Variants in FAM3D observed in about 807,000 individuals in gnomAD.
FAM3D encodes FAM3 metabolism regulating signaling molecule D.
In FAM3D, 26 loss-of-function variants were observed where a neutral mutation model predicts 29.8. The observed-to-expected ratio is 0.87, with a 90% confidence interval of 0.64 to 1.21. The LOEUF is 1.21. FAM3D is among the 50% of genes most tolerant of loss of function. The pLI is 0.00. For synonymous variants in FAM3D, 115 were observed against 102.3 expected, an observed-to-expected ratio of 1.12 and a Z score of -0.75; for missense variants, 253 against 290.9, an observed-to-expected ratio of 0.87 and a Z score of 0.95.
intron 3 of FAM3D, among the ~76,000 whole-genome samples, chr3:58,650,502 A>G (rs546860500): frequency 6.6e-6 from 1 of 152,206 alleles, no homozygotes; most frequent in East Asian, 1.9e-4. Flanking sequence ...TTAGAGAGAA[A>G]GCTGCCCATG....
In FAM3D at chr3:58,634,069, G is replaced by C. The variant is rs1176387397; in HGVS notation, c.*210C>G. Reference sequence around the variant, plus strand: ...TTCTCTCCACAGACAGCTGGTTCCAGAAGGACCCTCTGAGGCTGGTCTTCC... The same window carrying C: ...TTCTCTCCACAGACAGCTGGTTCCACAAGGACCCTCTGAGGCTGGTCTTCC... On this transcript the variant is annotated 3_prime_UTR_variant, in exon 10 of 10. Coordinates refer to ENST00000358781, the MANE Select transcript of FAM3D (RefSeq NM_138805.3). The surrounding 1 kb of genome is among the most constrained non-coding windows in gnomAD (Gnocchi z 4.6). The C allele has an allele frequency of 1.9e-6, 1 of 520,890 alleles. No homozygotes were observed. The highest frequency in any genetic ancestry group is 3.4e-6 in the Non-Finnish European group (1 of 295,782). 32.3% of individuals were successfully genotyped at this position (520,890 alleles called of 1,614,324 possible).
chr3:58,656,209 G>A (rs555297754), intron 1 of FAM3D, among the ~76,000 whole-genome samples: 11 of 152,290 alleles, frequency 7.2e-5, no homozygotes, highest in African/African-American at 2.4e-4. Flanking sequence ...CACAACTCAC[G>A]TATTGCAGGT....
chr3:58,654,843 C>A (rs977647368), intron 2 of FAM3D, among the ~76,000 whole-genome samples: 1 of 152,192 alleles, frequency 6.6e-6, no homozygotes, highest in African/African-American at 2.4e-5. Flanking sequence ...GATCTAGGCA[C>A]CCAGAATTCC....
chr3:58,634,651 A>G lies in FAM3D; in HGVS notation c.586-283T>C, dbSNP rs1187808191. Among the ~76,000 whole-genome samples, 2 of 152,156 alleles carry G rather than the reference A, an allele frequency of 1.3e-5. No homozygotes were observed. The highest frequency in any genetic ancestry group is 2.9e-5 in the Non-Finnish European group (2 of 68,016). ...TCTGTGTCCCTCTAGGATACCTCAA[A>G]TAACAATAATGATAGCAACAATAAA... On this transcript the variant is annotated intron_variant, in intron 9 of 9. Transcript: ENST00000358781. This position sits in a 1 kb window ranked among gnomAD's most constrained non-coding sequence, Gnocchi z 4.6.
intron 6 of FAM3D, among the ~76,000 whole-genome samples, 194 bp from the exon 7 acceptor site, chr3:58,640,371 C>T (rs569104840): frequency 1.7e-4 from 26 of 152,252 alleles, no homozygotes; most frequent in Non-Finnish European, 1.2e-4. Context: ...GGTTCAAGAA[C>T]GTAATGGCTG....
intron 6 of FAM3D, among the ~76,000 whole-genome samples, chr3:58,643,165 ATTGT>A (rs1171275157): frequency 2.0e-5 from 3 of 152,186 alleles, no homozygotes; most frequent in Non-Finnish European, 2.9e-5. Flanking sequence ...CCACATTGAG[ATTGT>A]TTGTGAGCCT....
rs1171921507 is a variant in FAM3D, at chr3:58,645,550, G to A, written c.222C>T (p.Ala74=). 1.5e-5 allele frequency: 24 copies of A among 1,614,062 alleles called. No individual in the cohort carries two copies. Among genetic ancestry groups the A allele is most frequent in the Admixed American group, 5.0e-5 (3 of 60,006 alleles). ...ACATAGTAGGGCCCACGACGTTGGCGGCCCCACTGCAGATTTTAAACGCAA... is the reference window on the plus strand; with the variant it reads ...ACATAGTAGGGCCCACGACGTTGGCAGCCCCACTGCAGATTTTAAACGCAA... ...NYFAFKICSG[A]ANVVGPTMCF... is the part of the protein sequence containing the mutation. The change falls in exon 5 of 10, where the codon GCC becomes GCT. Residue 74 remains alanine, a synonymous_variant. Transcript: ENST00000358781.
At chr3:58,661,687 G>C (rs2066933886) in intron 1 of FAM3D, among the ~76,000 whole-genome samples, 1 of 152,100 alleles carries the variant, frequency 6.6e-6, no homozygotes, top group South Asian at 2.1e-4. Flanking sequence ...GTCCTCTCTC[G>C]GCCTCAGCTT....
rs1012355152 is a variant in FAM3D, at chr3:58,637,933, G to A, written c.374-708C>T. Among the ~76,000 whole-genome samples, 8 of 149,406 alleles carry A rather than the reference G, an allele frequency of 5.4e-5. No individual in the cohort carries two copies. In the South Asian group the frequency reaches 1.8e-3, roughly 33 times the overall value. On this transcript the variant is annotated intron_variant, in intron 7 of 9. Transcript: ENST00000358781. ...GAGTTTCTCTCTCGTTGCCCAGGCT[G>A]GAGTGCAATGGCGCGATCTGCGCTC...
intron 4 of FAM3D, among the ~76,000 whole-genome samples, chr3:58,648,849 A>C (rs1322198508): frequency 1.3e-5 from 2 of 152,142 alleles, no homozygotes; most frequent in African/African-American, 4.8e-5. Flanking sequence ...CCCAACAGAC[A>C]ATCAGCACCC....
intron 1 of FAM3D, among the ~76,000 whole-genome samples, chr3:58,660,125 A>G (rs2066903788): frequency 6.6e-6 from 1 of 152,254 alleles, no homozygotes; most frequent in South Asian, 2.1e-4. Flanking sequence ...GACAGACTTC[A>G]AAAGAAAGAG....
At chr3:58,642,649 G>A (rs982394711) in intron 6 of FAM3D, among the ~76,000 whole-genome samples, 2 of 152,122 alleles carry the variant, frequency 1.3e-5, no homozygotes, top group African/African-American at 2.4e-5. Flanking sequence ...CAGGCTTGGC[G>A]GCCCTCTGGC....
intron 1 of FAM3D, among the ~76,000 whole-genome samples, chr3:58,656,695 C>T (rs1318367200): frequency 2.0e-5 from 3 of 152,192 alleles, no homozygotes; most frequent in African/African-American, 7.2e-5. Context: ...CTGTCCCCTG[C>T]CCACCCCAGA....
chr3:58,657,302 TCA>T (rs2106930444), intron 1 of FAM3D, among the ~76,000 whole-genome samples: 1 of 148,258 alleles, frequency 6.7e-6, no homozygotes, highest in East Asian at 2.0e-4. Flanking sequence ...ACATGAATAT[TCA>T]CAGAGGGTGT....
chr3:58,663,688 C>T (rs1291413478), intron 1 of FAM3D, among the ~76,000 whole-genome samples: 1 of 152,196 alleles, frequency 6.6e-6, no homozygotes, highest in African/African-American at 2.4e-5. Context: ...TCAGCAACAG[C>T]CTCCTTCCTG....
At chr3:58,664,295 A>G (rs373339669) in intron 1 of FAM3D, among the ~76,000 whole-genome samples, 1 of 152,218 alleles carries the variant, frequency 6.6e-6, no homozygotes, top group African/African-American at 2.4e-5. Flanking sequence ...TGCTGTTTGT[A>G]CTGATTACGT....
At chr3:58,636,567 A>G in intron 8 of FAM3D, 147 bp from the exon 9 acceptor site, 6 of 1,167,336 alleles carry the variant, frequency 5.1e-6, no homozygotes, top group South Asian at 4.9e-5. Context: ...TGCACTCAGG[A>G]AGGACAGGGT....
intron 3 of FAM3D, 105 bp downstream of exon 3, chr3:58,653,569 C>T: frequency 9.0e-7 from 1 of 1,109,612 alleles, no homozygotes; most frequent in Non-Finnish European, 1.3e-6. Flanking sequence ...AAAGGCAGCA[C>T]AGCTTGTCAT....
intron 7 of FAM3D, among the ~76,000 whole-genome samples, 180 bp from the exon 8 acceptor site, chr3:58,637,405 G>A (rs941258756): frequency 6.6e-6 from 1 of 152,126 alleles, no homozygotes; most frequent in Non-Finnish European, 1.5e-5. Context: ...TCCTAGGGGA[G>A]GGCAGAGTGA....
Sources: allele counts gnomAD v4.1 joint callset (sites outside exome capture counted in the v4.1 genomes callset), GRCh38; gene constraint gnomAD v4.1.1; non-coding constraint Gnocchi (gnomAD v3.1); transcripts MANE v1.5; gene names NCBI Gene and HGNC (gene_info 2026-07-23, HGNC 2026-07-21).